Variants in LYPLAL1 observed in about 807,000 individuals in gnomAD.
The protein encoded by LYPLAL1 is lysophospholipase like 1.
A neutral mutation model predicts 19.7 loss-of-function variants in LYPLAL1; 23 were observed. The ratio of observed to expected loss-of-function variants is 1.17; its 90% confidence interval spans 0.84 to 1.65. The LOEUF (loss-of-function observed/expected upper bound fraction) is 1.65. Among genes scored for constraint, LYPLAL1 ranks in the 40% most tolerant of loss-of-function variants. The pLI, the probability that LYPLAL1 is intolerant of heterozygous loss-of-function variation, is 0.00. For synonymous variants in LYPLAL1, 119 were observed against 96.3 expected, an observed-to-expected ratio of 1.24 and a Z score of -1.38; for missense variants, 355 against 279.4, an observed-to-expected ratio of 1.27 and a Z score of -1.93.
intron 2 of LYPLAL1, among the ~76,000 whole-genome samples, chr1:219,191,262 A>C (rs2049422): frequency 6.6e-6 from 1 of 151,438 alleles, no homozygotes; most frequent in Admixed American, 6.6e-5. Flanking sequence ...ACTCTTTTCC[A>C]TAGGAATAAA....
the LYPLAL1 span, among the ~76,000 whole-genome samples, chr1:219,247,641 A>T: frequency 6.6e-6 from 1 of 152,180 alleles, no homozygotes; most frequent in Admixed American, 6.5e-5. Flanking sequence ...TGTGATTGGT[A>T]ACCAGGAAAG....
downstream of LYPLAL1, among the ~76,000 whole-genome samples, chr1:219,215,793 G>A (rs536251792): frequency 1.3e-5 from 2 of 152,182 alleles, no homozygotes; most frequent in East Asian, 1.9e-4. Flanking sequence ...ATTTCTGAGG[G>A]TTCACTGTCC....
chr1:219,417,792 C>T, the LYPLAL1 span, among the ~76,000 whole-genome samples: 4 of 152,244 alleles, frequency 2.6e-5, no homozygotes, highest in Non-Finnish European at 4.4e-5. Context: ...AGGAATCATA[C>T]GGCAAAGTGC....
chr1:219,423,499 T>C, the LYPLAL1 span, among the ~76,000 whole-genome samples: 1 of 152,216 alleles, frequency 6.6e-6, no homozygotes, highest in African/African-American at 2.4e-5. Context: ...GAGTGAGATA[T>C]ATAAAACCCT....
chr1:219,275,373 C>T, the LYPLAL1 span, among the ~76,000 whole-genome samples: 58 of 152,318 alleles, frequency 3.8e-4, no homozygotes, highest in Admixed American at 1.6e-3. Flanking sequence ...TATACCTGTA[C>T]AGCCAATTTA....
At chr1:219,432,197 G>A in the LYPLAL1 span, among the ~76,000 whole-genome samples, 2 of 152,154 alleles carry the variant, frequency 1.3e-5, no homozygotes, top group African/African-American at 2.4e-5. Context: ...GAAATATGAG[G>A]TAAGCTGAAA....
chr1:219,242,922 G>A, the LYPLAL1 span, among the ~76,000 whole-genome samples: 1 of 152,096 alleles, frequency 6.6e-6, no homozygotes, highest in East Asian at 1.9e-4. Flanking sequence ...AGTCCTATGT[G>A]GGCTAAGGAG....
At chr1:219,332,946 G>T in the LYPLAL1 span, among the ~76,000 whole-genome samples, 187 of 151,518 alleles carry the variant, frequency 1.2e-3, 1 homozygote, top group Admixed American at 8.9e-3. Context: ...ATAGAAACTA[G>T]GTCCCAGTTT....
chr1:219,314,708 A>G, the LYPLAL1 span, among the ~76,000 whole-genome samples: 1 of 152,262 alleles, frequency 6.6e-6, no homozygotes, highest in African/African-American at 2.4e-5. Context: ...CAGGGATTAC[A>G]GGCATGAGCC....
At chr1:219,240,996 G>T in the LYPLAL1 span, among the ~76,000 whole-genome samples, 6 of 150,778 alleles carry the variant, frequency 4.0e-5, no homozygotes, top group Admixed American at 4.0e-4. Context: ...AGGGGTTCAA[G>T]GCTGCAGTGA....
the LYPLAL1 span, among the ~76,000 whole-genome samples, chr1:219,314,707 C>T: frequency 2.6e-5 from 4 of 152,240 alleles, no homozygotes; most frequent in African/African-American, 9.6e-5. Context: ...GCAGGGATTA[C>T]AGGCATGAGC....
chr1:219,412,688 C>T, the LYPLAL1 span, among the ~76,000 whole-genome samples: 1 of 152,130 alleles, frequency 6.6e-6, no homozygotes, highest in Non-Finnish European at 1.5e-5. Flanking sequence ...TTGAAAAGCT[C>T]ATCTCTAAGA....
chr1:219,306,708 A>G, the LYPLAL1 span, among the ~76,000 whole-genome samples: 1 of 151,336 alleles, frequency 6.6e-6, no homozygotes. Flanking sequence ...CAAATCCTTA[A>G]GATATATAGG....
At chr1:219,381,502 G>T in the LYPLAL1 span, among the ~76,000 whole-genome samples, 3 of 152,040 alleles carry the variant, frequency 2.0e-5, no homozygotes, top group African/African-American at 2.4e-5. Flanking sequence ...TCATATATAC[G>T]CTCTTAGTGG....
the LYPLAL1 span, among the ~76,000 whole-genome samples, chr1:219,385,943 G>GA: frequency 6.6e-6 from 1 of 152,192 alleles, no homozygotes; most frequent in Admixed American, 6.5e-5. Flanking sequence ...TAGTTTCACA[G>GA]ATAGCCTTTG....
At chr1:219,433,459 G>T in the LYPLAL1 span, among the ~76,000 whole-genome samples, 1 of 152,142 alleles carries the variant, frequency 6.6e-6, no homozygotes, top group Non-Finnish European at 1.5e-5. Context: ...GATATTACAC[G>T]TTGGCATATT....
At chr1:219,281,578 A>T in the LYPLAL1 span, among the ~76,000 whole-genome samples, 1 of 152,090 alleles carries the variant, frequency 6.6e-6, no homozygotes, top group East Asian at 1.9e-4. Context: ...GCAGCCAAGC[A>T]ACTACTATAG....
chr1:219,364,089 A>T, the LYPLAL1 span, among the ~76,000 whole-genome samples: 3 of 152,178 alleles, frequency 2.0e-5, no homozygotes, highest in African/African-American at 7.2e-5. Context: ...ACCAGCTAGA[A>T]CTATTAATTT....
At chr1:219,418,286 G>T in the LYPLAL1 span, among the ~76,000 whole-genome samples, 1 of 152,064 alleles carries the variant, frequency 6.6e-6, no homozygotes, top group East Asian at 1.9e-4. Context: ...TCTGTCCAGA[G>T]TTGGACAACT....
Sources: allele counts gnomAD v4.1 joint callset (sites outside exome capture counted in the v4.1 genomes callset), GRCh38; gene constraint gnomAD v4.1.1; transcripts MANE v1.5; gene names NCBI Gene and HGNC (gene_info 2026-07-23, HGNC 2026-07-21).